MMP3: variants seen among roughly 807,000 people sequenced by gnomAD.
MMP3 encodes the protein stromelysin-1.
In MMP3, 46 loss-of-function variants were observed where a neutral mutation model predicts 47.3. The observed-to-expected ratio is 0.97, with a 90% CI of 0.77 to 1.24. The LOEUF is 1.24. MMP3 is among the 50% of genes most tolerant of loss of function. The pLI is 0.00. For synonymous variants in MMP3, 216 were observed against 206.5 expected, an observed-to-expected ratio of 1.05 and a Z score of -0.39; for missense variants, 558 against 565.5, an observed-to-expected ratio of 0.99 and a Z score of 0.13.
rs540022392 is a variant in MMP3 at position 102,836,480 on chromosome 11, A to G, written c.1334-254T>C. ...TGAGACAGATTTCGATGCTTCCTCA[A>G]GGTTACTCAGCAAGGAAGAATGGAG... On this transcript the variant is annotated intron_variant, in intron 9 of 9. Coordinates refer to ENST00000299855, the MANE Select transcript of MMP3 (RefSeq NM_002422.5). This position sits in a 1 kb window ranked among gnomAD's most constrained non-coding sequence, Gnocchi z 4.6. 20 of 564,464 alleles carry G rather than the reference A, an allele frequency of 3.5e-5. No homozygotes were observed. The African/African-American group carries it at 3.7e-4, about 11-fold the overall frequency. 35.0% of individuals were successfully genotyped at this position (564,464 alleles called of 1,614,324 possible).
At chr11:102,839,408 T>C (rs1420807231) in intron 6 of MMP3, among the ~76,000 whole-genome samples, 165 bp from the exon 7 acceptor site, 1 of 152,228 alleles carries the variant, frequency 6.6e-6, no homozygotes, top group Admixed American at 6.5e-5. Flanking sequence ...CTTTCCTTTT[T>C]CTTCAGAAGA....
chr11:102,839,619 T>A (rs1858957168), intron 6 of MMP3, among the ~76,000 whole-genome samples: 1 of 152,204 alleles, frequency 6.6e-6, no homozygotes, highest in Admixed American at 6.5e-5. Context: ...TTCTTGTATG[T>A]GTGTAGAAAG....
Position 102,843,541 on chromosome 11 carries a change from C to T in MMP3, c.6G>A (p.Lys2=). The part of the protein sequence containing the change: M[K]SLPILLLLCV... The stretch of plus-strand genomic sequence containing the variant: ...ACAGCAACAGTAGGATTGGAAGACT[C>T]TTCATTTCCACTGGCTTTACTTAGC... The change falls in exon 1 of 10, where the codon AAG becomes AAA. Residue 2 remains lysine (K), a synonymous_variant. Transcript: ENST00000299855. 1 of 1,612,546 alleles carries T rather than the reference C, an allele frequency of 6.2e-7. No individual in the cohort carries two copies. The highest frequency in any genetic ancestry group is 1.1e-5 in the South Asian group (1 of 90,704).
At chr11:102,840,713 G>C (rs961028229) in intron 4 of MMP3, 120 bp from the exon 5 acceptor site, 17 of 975,346 alleles carry the variant, frequency 1.7e-5, no homozygotes, top group Non-Finnish European at 2.2e-5. Flanking sequence ...TTTACACCTT[G>C]TTTGTTGGTT....
Position 102,839,152 on chromosome 11 carries a change from C to T in MMP3, c.1027G>A (p.Ala343Thr), listed in dbSNP as rs782261578. ...WPSLPSGVDA[A>T]YEVTSKDLVF... ...AGGTCCTTGCTAGTAACTTCATATG[C>T]GGCATCCACGCCTGAAGGAAGAGAT... Residue 343 changes from alanine to threonine, a missense_variant, in exon 7 of 10, where the codon GCA becomes ACA. Physicochemically the swap from Ala to Thr is moderately conservative, Grantham distance 58. Coordinates refer to ENST00000299855, the MANE Select transcript of MMP3 (RefSeq NM_002422.5). 7 of 1,614,032 alleles carry T rather than the reference C, an allele frequency of 4.3e-6. No homozygotes were observed. The highest frequency in any genetic ancestry group is 3.3e-5 in the Admixed American group (2 of 60,004).
chr11:102,838,471 TG>T (rs1858925109), intron 8 of MMP3, 79 bp downstream of exon 8: 1 of 1,447,100 alleles, frequency 6.9e-7, no homozygotes, highest in South Asian at 1.3e-5. Context: ...GGCCTAAGGT[TG>T]GGGTGGGGGA....
chr11:102,842,383 TTTTTG>T (rs371497584), intron 3 of MMP3, 43 bp downstream of exon 3: 2 of 1,418,702 alleles, frequency 1.4e-6, no homozygotes, highest in Non-Finnish European at 9.4e-7. Flanking sequence ...TTTCATGTGT[TTTTTG>T]TTTTGTTTTG....
chr11:102,838,752 A>C (rs1265606018), intron 7 of MMP3, 42 bp from the exon 8 acceptor site: 3 of 1,569,634 alleles, frequency 1.9e-6, no homozygotes, highest in Admixed American at 3.7e-5. Flanking sequence ...GAATTATAAC[A>C]GTTAAGCCCT....
Position 102,837,596 on chromosome 11 carries a change from G to C in MMP3, c.1230-195C>G, listed in dbSNP as rs540656662. ...AGTTCTGAAAGCCATATCTCCATCC[G>C]GAACAGGGGCCGCATCCTGCTGTAT... On this transcript the variant is annotated intron_variant, in intron 8 of 9. Transcript: ENST00000299855. This position sits in a 1 kb window ranked among gnomAD's most constrained non-coding sequence, Gnocchi z 4.4. Among the ~76,000 whole-genome samples the C allele has an allele frequency of 4.0e-4, 61 of 152,170 alleles. No individual in the cohort carries two copies. The highest frequency in any genetic ancestry group is 1.4e-3 in the African/African-American group (58 of 41,548).
chr11:102,839,447 C>T (rs1445632300), intron 6 of MMP3, among the ~76,000 whole-genome samples: 1 of 152,124 alleles, frequency 6.6e-6, no homozygotes, highest in African/African-American at 2.4e-5. Context: ...CATAGGTTTC[C>T]AGAGTAATGT....
Position 102,842,264 on chromosome 11 carries a change from TA to T in MMP3, c.514del (p.Tyr172ThrfsTer64). The part of the protein sequence containing the change: ...SFAVREHGDF[Y>X]PFDGPGNVLA... Reference sequence around the variant, plus strand: ...AACATTTCCAGGTCCATCAAAAGGGTAAAAGTCTCCATGTTCTAGTAGGAAA... The same window carrying T: ...AACATTTCCAGGTCCATCAAAAGGGTAAAGTCTCCATGTTCTAGTAGGAAA... On this transcript the variant is annotated frameshift_variant, in exon 4 of 10. Coordinates refer to ENST00000299855, the MANE Select transcript of MMP3 (RefSeq NM_002422.5). LOFTEE classifies it high-confidence loss of function. 1 of 1,605,546 alleles carries T rather than the reference TA, an allele frequency of 6.2e-7. No homozygotes were observed. Among genetic ancestry groups the T allele is most frequent in the Non-Finnish European group, 8.5e-7 (1 of 1,177,870 alleles).
Position 102,842,840 on chromosome 11 carries a change from A to G in MMP3, c.182T>C (p.Val61Ala). The G allele has an allele frequency of 6.2e-7, 1 of 1,613,822 alleles. No homozygotes were observed. The highest frequency in any genetic ancestry group is 8.5e-7 in the Non-Finnish European group (1 of 1,179,898). ...FVRRKDSGPV[V>A]KKIREMQKFL... ...CTTCTGCATTTCTCGGATTTTTTTAACAACAGGACCACTGTCCTTTCTCCT... is the reference window on the plus strand; with the variant it reads ...CTTCTGCATTTCTCGGATTTTTTTAGCAACAGGACCACTGTCCTTTCTCCT... Residue 61 changes from valine (V) to alanine (A), a missense_variant, in exon 2 of 10, where the codon GTT becomes GCT. Coordinates refer to ENST00000299855, the MANE Select transcript of MMP3 (RefSeq NM_002422.5).
At chr11:102,840,063 C>A in intron 6 of MMP3, 45 bp downstream of exon 6, 1 of 1,563,034 alleles carries the variant, frequency 6.4e-7, no homozygotes, top group Non-Finnish European at 8.7e-7. Flanking sequence ...CCTTTCTAAA[C>A]ATTGTAGATT....
In MMP3 at chr11:102,841,701, T is replaced by G. The variant is rs1859000293; in HGVS notation, c.625+453A>C. 4.8e-5 allele frequency among the ~76,000 whole-genome samples: 7 copies of G among 144,666 alleles called. No individual in the cohort carries two copies. In the South Asian group the frequency reaches 1.6e-3, roughly 34 times the overall value. The allele number at this position is 144,666 out of a possible 152,430, so 94.9% of individuals were successfully genotyped here. On this transcript the variant is annotated intron_variant, in intron 4 of 9. Transcript: ENST00000299855. ...TTTTAACCTAAAAGTACTAAAATAATGCCTCAGCCAGAAAAAAAAAAAAAA... is the reference window on the plus strand; with the variant it reads ...TTTTAACCTAAAAGTACTAAAATAAGGCCTCAGCCAGAAAAAAAAAAAAAA...
chr11:102,839,917 T>A (rs1168655237), intron 6 of MMP3, among the ~76,000 whole-genome samples, 191 bp downstream of exon 6: 2 of 152,248 alleles, frequency 1.3e-5, no homozygotes, highest in Non-Finnish European at 2.9e-5. Context: ...CAGATCAGCC[T>A]GTGCCTTCAA....
Position 102,842,178 on chromosome 11 carries a change from C to G in MMP3, c.601G>C (p.Glu201Gln), listed in dbSNP as rs782487068. The part of the protein sequence containing the change: ...INGDAHFDDD[E>Q]QWTKDTTGTN... ...CCTGTTGTATCCTTTGTCCATTGTT[C>G]ATCATCATCAAAGTGGGCATCTCCA... is the stretch of plus-strand genomic sequence containing the variant. Residue 201 changes from glutamate to glutamine, a missense_variant, in exon 4 of 10, where the codon GAA becomes CAA. Coordinates refer to ENST00000299855, the MANE Select transcript of MMP3 (RefSeq NM_002422.5). 6.2e-7 allele frequency: 1 copy of G among 1,610,198 alleles called. No homozygotes were observed. The highest frequency in any genetic ancestry group is 8.5e-7 in the Non-Finnish European group (1 of 1,178,204).
Position 102,838,539 on chromosome 11 carries a change from C to T in MMP3, c.1229+12G>A, listed in dbSNP as rs559546789. The T allele has an allele frequency of 1.6e-5, 25 of 1,607,370 alleles. No homozygotes were observed. The highest frequency in any genetic ancestry group is 2.0e-5 in the Non-Finnish European group (24 of 1,177,472). ...TTAGGCTCCATACAAAGTCATTTCT[C>T]TTGCATCTCACCTCCAGTATTTGTC... On this transcript the variant is annotated intron_variant, in intron 8 of 9. Transcript: ENST00000299855.
intron 4 of MMP3, among the ~76,000 whole-genome samples, chr11:102,841,725 A>AG (rs1173849469): frequency 6.6e-6 from 1 of 152,054 alleles, no homozygotes; most frequent in Non-Finnish European, 1.5e-5. Context: ...AAAAAAAAAA[A>AG]AGAGAATCTC....
chr11:102,839,380 A>C, intron 6 of MMP3, 137 bp from the exon 7 acceptor site: 2 of 983,562 alleles, frequency 2.0e-6, no homozygotes, highest in South Asian at 3.1e-5. Flanking sequence ...AATCAGGTAT[A>C]TTGCCATTAG....
Sources: allele counts gnomAD v4.1 joint callset (sites outside exome capture counted in the v4.1 genomes callset), GRCh38; gene constraint gnomAD v4.1.1; non-coding constraint Gnocchi (gnomAD v3.1); transcripts MANE v1.5; gene names NCBI Gene and HGNC (gene_info 2026-07-23, HGNC 2026-07-21).